Variants in CDH4 observed in about 807,000 individuals in gnomAD.
CDH4 encodes cadherin 4.
Under a neutral mutation model 86.0 loss-of-function variants are expected in CDH4, and 33 were observed. The observed-to-expected ratio is 0.38, with a 90% CI of 0.29 to 0.51. CDH4 has a LOEUF of 0.51. Among genes scored for constraint, CDH4 ranks in the 20% least tolerant of loss-of-function variants. The probability of loss-of-function intolerance (pLI) is 0.86; values close to 1 mark genes in which losing one functional copy is unlikely to be tolerated. For missense variants in CDH4, 1,114 were observed against 1,307.4 expected, an observed-to-expected ratio of 0.85 and a Z score of 2.28; for synonymous variants, 555 against 549.4, an observed-to-expected ratio of 1.01 and a Z score of -0.14.
chr20:61,512,526 A>G (rs2085787673), intron 2 of CDH4, among the ~76,000 whole-genome samples: 1 of 152,192 alleles, frequency 6.6e-6, no homozygotes, highest in Non-Finnish European at 1.5e-5. Flanking sequence ...ATCATGACCT[A>G]GTTCTACAAG....
At chr20:61,862,026 C>T (rs935420142) in intron 6 of CDH4, among the ~76,000 whole-genome samples, 1 of 152,198 alleles carries the variant, frequency 6.6e-6, no homozygotes, top group African/African-American at 2.4e-5. Context: ...AGCGCCTTTC[C>T]CTGTCCCCGG....
chr20:61,430,731 A>T (rs1201601710), intron 2 of CDH4, among the ~76,000 whole-genome samples: 1 of 152,218 alleles, frequency 6.6e-6, no homozygotes. Context: ...CAGCTGCTCC[A>T]CACGCATTAC....
intron 4 of CDH4, among the ~76,000 whole-genome samples, chr20:61,838,079 C>T (rs1050047632): frequency 5.6e-4 from 85 of 152,206 alleles, no homozygotes; most frequent in African/African-American, 1.9e-3. Flanking sequence ...CAGGAGGCCT[C>T]CTTAGGGCCA....
At chr20:61,826,394 G>T (rs1235036414) in intron 4 of CDH4, among the ~76,000 whole-genome samples, 1 of 152,202 alleles carries the variant, frequency 6.6e-6, no homozygotes, top group South Asian at 2.1e-4. Flanking sequence ...CAACACCCAC[G>T]TGGCTTGTCT....
intron 7 of CDH4, among the ~76,000 whole-genome samples, chr20:61,886,374 G>T (rs147721169): frequency 3.8e-4 from 58 of 152,366 alleles, no homozygotes; most frequent in African/African-American, 1.2e-3. Context: ...TTTACATGCT[G>T]AGCTATGGGG....
At chr20:61,767,741 G>A (rs1281794196) in intron 3 of CDH4, among the ~76,000 whole-genome samples, 1 of 152,178 alleles carries the variant, frequency 6.6e-6, no homozygotes, top group Non-Finnish European at 1.5e-5. Flanking sequence ...GGGAGCACAG[G>A]AGGGGAACTG....
intron 6 of CDH4, among the ~76,000 whole-genome samples, chr20:61,861,665 C>T (rs6089524): frequency 0.11 from 16,533 of 152,106 alleles, 1,098 homozygotes; most frequent in South Asian, 0.22. Context: ...GGCGTCGGGC[C>T]GAGGCCTGTG....
chr20:61,914,617 G>T (rs1357341685), intron 9 of CDH4, among the ~76,000 whole-genome samples: 1 of 149,716 alleles, frequency 6.7e-6, no homozygotes, highest in African/African-American at 2.6e-5. Context: ...GGGAGGCTTG[G>T]AGACCTGCCA....
chr20:61,714,420 T>C (rs1434141923), intron 2 of CDH4, among the ~76,000 whole-genome samples: 1 of 148,718 alleles, frequency 6.7e-6, no homozygotes, highest in Non-Finnish European at 1.5e-5. Context: ...ATTTACCTTT[T>C]CTTATATATT....
intron 4 of CDH4, among the ~76,000 whole-genome samples, chr20:61,802,526 G>A (rs529471810): frequency 3.3e-5 from 5 of 152,208 alleles, no homozygotes; most frequent in East Asian, 3.9e-4. Flanking sequence ...GCAGAGCATC[G>A]CTTTGAAGGA....
chr20:61,698,716 C>T (rs1304225803), intron 2 of CDH4, among the ~76,000 whole-genome samples: 1 of 152,222 alleles, frequency 6.6e-6, no homozygotes, highest in Non-Finnish European at 1.5e-5. Flanking sequence ...CTCAGCAGAT[C>T]CCTGGTCCCC....
At chr20:61,317,068 T>C (rs2084480592) in intron 2 of CDH4, among the ~76,000 whole-genome samples, 1 of 151,934 alleles carries the variant, frequency 6.6e-6, no homozygotes, top group African/African-American at 2.4e-5. Context: ...TATTTAGAAA[T>C]CTGAATACCA....
chr20:61,683,996 C>A (rs375023854), intron 2 of CDH4, among the ~76,000 whole-genome samples: 4 of 152,316 alleles, frequency 2.6e-5, no homozygotes, highest in African/African-American at 9.6e-5. Context: ...TTCCCAGGAG[C>A]TCCTCGTGTC....
chr20:61,723,936 A>G (rs6061334), intron 2 of CDH4, among the ~76,000 whole-genome samples: 2,982 of 54,284 alleles, frequency 0.055, 30 homozygotes, highest in African/African-American at 0.11. Context: ...GCAGGGGGGT[A>G]GGTCCCCATG....
intron 2 of CDH4, among the ~76,000 whole-genome samples, chr20:61,321,411 A>T (rs958347432): frequency 6.6e-6 from 1 of 151,874 alleles, no homozygotes; most frequent in Non-Finnish European, 1.5e-5. Context: ...TTTTTTTTTA[A>T]TTTTTGATGT....
chr20:61,368,866 C>T (rs1373611667), intron 2 of CDH4, among the ~76,000 whole-genome samples: 37 of 152,066 alleles, frequency 2.4e-4, no homozygotes, highest in Admixed American at 2.3e-3. Flanking sequence ...CACCCCTTAA[C>T]GAAGTAATCA....
intron 2 of CDH4, among the ~76,000 whole-genome samples, chr20:61,420,438 C>G (rs527865380): frequency 4.6e-5 from 7 of 152,354 alleles, no homozygotes; most frequent in African/African-American, 1.7e-4. Flanking sequence ...CTCCCCTCCC[C>G]ACAGGGTCCC....
chr20:61,712,079 T>A (rs1402781430), intron 2 of CDH4, among the ~76,000 whole-genome samples: 1 of 151,992 alleles, frequency 6.6e-6, no homozygotes, highest in Non-Finnish European at 1.5e-5. Flanking sequence ...GGAGACTGGG[T>A]CAGCCAGACA....
Position 61,735,966 on chromosome 20 carries a change from C to T in CDH4, c.170-7597C>T, listed in dbSNP as rs2088257781. On this transcript the variant is annotated intron_variant, in intron 2 of 15. Transcript: ENST00000614565. ...GAGTTGTTTGCAAGGCTAGGAAAGG[C>T]CGTAGCTCTCTTAACATTGGGCCCT... Among the ~76,000 whole-genome samples the T allele has an allele frequency of 2.0e-5, 3 of 152,294 alleles. No individual in the cohort carries two copies. In the South Asian group the frequency reaches 6.2e-4, roughly 32 times the overall value.
Sources: gnomAD v4.1 joint callset for allele counts (sites outside exome capture counted in the v4.1 genomes callset) on GRCh38, gnomAD v4.1.1 for gene constraint, MANE v1.5 for transcripts, NCBI Gene and HGNC (gene_info 2026-07-23, HGNC 2026-07-21) for gene names.